AAMDC: variants seen among roughly 807,000 people sequenced by gnomAD.
AAMDC encodes mth938 domain-containing protein.
A neutral mutation model predicts 15.5 loss-of-function variants in AAMDC; 16 were observed. The ratio of observed to expected loss-of-function variants is 1.03; its 90% confidence interval spans 0.70 to 1.57. The LOEUF (loss-of-function observed/expected upper bound fraction) is 1.57. Ranked by LOEUF, AAMDC falls within the 40% of genes most tolerant of loss-of-function variation. AAMDC has a pLI of 0.00. For missense variants in AAMDC, 141 were observed against 144.9 expected, an observed-to-expected ratio of 0.97 and a Z score of 0.14; for synonymous variants, 51 against 51.6, an observed-to-expected ratio of 0.99 and a Z score of 0.05.
At chr11:77,847,026 G>C (rs1414357745) in intron 2 of AAMDC, among the ~76,000 whole-genome samples, 2 of 152,130 alleles carry the variant, frequency 1.3e-5, no homozygotes, top group African/African-American at 2.4e-5. Flanking sequence ...GCCCCAAACT[G>C]ATGTATGAGC....
chr11:77,860,950 T>A (rs963196500), intron 2 of AAMDC, among the ~76,000 whole-genome samples: 1 of 152,180 alleles, frequency 6.6e-6, no homozygotes, highest in African/African-American at 2.4e-5. Context: ...AATTGGAGTA[T>A]TGCAGGGGCT....
At chr11:77,845,782 T>C (rs1950121622) in intron 2 of AAMDC, among the ~76,000 whole-genome samples, 2 of 152,174 alleles carry the variant, frequency 1.3e-5, no homozygotes. Flanking sequence ...TGATATTTTT[T>C]ATTTGGTAAG....
intron 2 of AAMDC, among the ~76,000 whole-genome samples, chr11:77,848,761 T>C (rs1199387152): frequency 6.6e-6 from 1 of 152,056 alleles, no homozygotes; most frequent in Non-Finnish European, 1.5e-5. Context: ...CAGGTCAGAT[T>C]GTAACTTGCT....
intron 2 of AAMDC, among the ~76,000 whole-genome samples, chr11:77,855,845 A>T (rs1427229626): frequency 6.6e-6 from 1 of 150,616 alleles, no homozygotes; most frequent in East Asian, 2.0e-4. Flanking sequence ...CATCCCTGTA[A>T]TCCCAGCACT....
rs377187803 is a variant in AAMDC at position 77,900,570 on chromosome 11, G to A, written c.329-1G>A. On this transcript the variant is annotated splice_acceptor_variant, in intron 5 of 5. Coordinates refer to the AAMDC transcript ENST00000304716. LOFTEE classifies it high-confidence loss of function. ...ATGGCACTTTTTTTTTTTTGACACA[G>A]GAGCTGGACTGAGCATCAAACATGT... The A allele has an allele frequency of 5.4e-4, 366 of 672,104 alleles. 4 individuals are homozygous for A. The African/African-American group carries it at 5.7e-3, about 11-fold the overall frequency. The allele number at this position is 672,104 out of a possible 1,614,324, so 41.6% of individuals were successfully genotyped here.
chr11:77,901,848 C>A (rs1952787730), downstream of AAMDC, among the ~76,000 whole-genome samples: 2 of 151,688 alleles, frequency 1.3e-5, no homozygotes, highest in South Asian at 4.2e-4. Context: ...GCTTCTTACC[C>A]TAAATGAAGC....
intron 5 of AAMDC, chr11:77,878,672 G>A (rs1157754087): frequency 9.0e-6 from 6 of 664,134 alleles, no homozygotes; most frequent in African/African-American, 7.3e-5. Flanking sequence ...TATAAAAGCT[G>A]AAGCTATAGC....
chr11:77,891,092 C>G (rs933141059), intron 5 of AAMDC, among the ~76,000 whole-genome samples: 1 of 152,158 alleles, frequency 6.6e-6, no homozygotes, highest in African/African-American at 2.4e-5. Context: ...TATGTCAACT[C>G]CTCCTATTTG....
At chr11:77,833,081 T>G (rs1301511608) in intron 1 of AAMDC, among the ~76,000 whole-genome samples, 1 of 144,730 alleles carries the variant, frequency 6.9e-6, no homozygotes, top group Non-Finnish European at 1.5e-5. Flanking sequence ...GCAGATCTCA[T>G]ATCAGTGCAA....
chr11:77,834,372 T>C (rs1018436443), intron 1 of AAMDC, among the ~76,000 whole-genome samples: 7 of 151,182 alleles, frequency 4.6e-5, no homozygotes, highest in African/African-American at 1.5e-4. Context: ...GATTTTATTA[T>C]CAAACTGAGA....
intron 1 of AAMDC, among the ~76,000 whole-genome samples, chr11:77,833,009 A>ATTTTTTTTT (rs781247642): frequency 1.7e-5 from 1 of 60,036 alleles, no homozygotes; most frequent in African/African-American, 7.0e-5. Flanking sequence ...ATATATATAT[A>ATTTTTTTTT]TTTTTTTTTT....
intron 2 of AAMDC, among the ~76,000 whole-genome samples, chr11:77,848,462 A>G (rs960299853): frequency 1.3e-5 from 2 of 151,512 alleles, no homozygotes; most frequent in African/African-American, 4.9e-5. Flanking sequence ...GGTTCAAGCG[A>G]TTCTCCTACC....
intron 5 of AAMDC, among the ~76,000 whole-genome samples, chr11:77,882,905 T>C (rs1019086024): frequency 6.6e-5 from 10 of 152,088 alleles, no homozygotes; most frequent in African/African-American, 2.2e-4. Flanking sequence ...ACCCTGTCTC[T>C]ACTAAAATAC....
chr11:77,902,894 A>G (rs1253316385), downstream of AAMDC, among the ~76,000 whole-genome samples: 1 of 152,202 alleles, frequency 6.6e-6, no homozygotes, highest in Non-Finnish European at 1.5e-5. Context: ...TACAGGCTAA[A>G]GATATAAACA....
chr11:77,884,624 A>G (rs11604873), intron 5 of AAMDC, among the ~76,000 whole-genome samples: 3 of 152,204 alleles, frequency 2.0e-5, no homozygotes, highest in Non-Finnish European at 4.4e-5. Flanking sequence ...AGAGTAGGGA[A>G]CCACACAGGT....
intron 5 of AAMDC, among the ~76,000 whole-genome samples, chr11:77,877,867 G>T (rs771456937): frequency 2.0e-5 from 3 of 152,004 alleles, no homozygotes; most frequent in Non-Finnish European, 2.9e-5. Context: ...TTATAGGCAT[G>T]AGCCACAGCC....
chr11:77,857,610 C>T (rs367913853), intron 2 of AAMDC, among the ~76,000 whole-genome samples: 1 of 151,108 alleles, frequency 6.6e-6, no homozygotes, highest in Non-Finnish European at 1.5e-5. Context: ...TTTAAGTTCT[C>T]GGATACATGT....
chr11:77,861,735 C>T (rs1031551724), intron 2 of AAMDC, among the ~76,000 whole-genome samples: 1 of 152,174 alleles, frequency 6.6e-6, no homozygotes, highest in Admixed American at 6.5e-5. Flanking sequence ...CTAGCCTTTC[C>T]GTGTTCCAGA....
At chr11:77,834,443 T>G (rs951417264) in intron 1 of AAMDC, among the ~76,000 whole-genome samples, 1 of 68,786 alleles carries the variant, frequency 1.5e-5, no homozygotes, top group Non-Finnish European at 3.3e-5. Flanking sequence ...TTGATTTTGT[T>G]TTTTTTTTTT....
Sources: allele counts gnomAD v4.1 joint callset (sites outside exome capture counted in the v4.1 genomes callset), GRCh38; gene constraint gnomAD v4.1.1; transcripts MANE v1.5; gene names NCBI Gene and HGNC (gene_info 2026-07-23, HGNC 2026-07-21).